The following NELL2 variants were observed in gnomAD, a reference collection of about 807,000 sequenced individuals.
NELL2 encodes neural EGFL like 2, also known as protein kinase C-binding protein NELL2.
NELL2 carries 41 observed loss-of-function variants against 109.6 expected under a neutral mutation model. The observed-to-expected ratio is 0.37, with a 90% CI of 0.29 to 0.49. The LOEUF is 0.49. Ranked by LOEUF, NELL2 falls within the 20% of genes least tolerant of loss-of-function variation. The pLI, the probability that NELL2 is intolerant of heterozygous loss-of-function variation, is 0.98. For missense variants in NELL2, 900 were observed against 1,008.3 expected, an observed-to-expected ratio of 0.89 and a Z score of 1.45; for synonymous variants, 355 against 344.7, an observed-to-expected ratio of 1.03 and a Z score of -0.33.
intron 15 of NELL2, among the ~76,000 whole-genome samples, chr12:44,585,445 T>C (rs1003982494): frequency 6.6e-6 from 1 of 151,984 alleles, no homozygotes; most frequent in Non-Finnish European, 1.5e-5. Context: ...TTACTAAAAA[T>C]ACAAAAATTA....
At chr12:44,539,695 A>C (rs766663687) in intron 15 of NELL2, among the ~76,000 whole-genome samples, 2 of 152,176 alleles carry the variant, frequency 1.3e-5, no homozygotes, top group Non-Finnish European at 2.9e-5. Context: ...TTTCCTTCAT[A>C]TCACAGTAGT....
chr12:44,808,268 A>G (rs1815687843), intron 3 of NELL2, among the ~76,000 whole-genome samples: 1 of 152,042 alleles, frequency 6.6e-6, no homozygotes, highest in South Asian at 2.1e-4. Context: ...CTGTGTGTTA[A>G]AATGTGTATT....
intron 13 of NELL2, among the ~76,000 whole-genome samples, chr12:44,641,139 TAATGCTATCATTTTACATTA>T (rs1389606548): frequency 1.8e-4 from 28 of 152,168 alleles, no homozygotes; most frequent in Non-Finnish European, 3.5e-4. Flanking sequence ...AATAGTGGCT[TAATGCTATCATTTTACATTA>T]AAAATAAATT....
intron 1 of NELL2, among the ~76,000 whole-genome samples, chr12:44,882,354 C>T (rs1211374547): frequency 6.6e-6 from 1 of 151,008 alleles, no homozygotes; most frequent in Non-Finnish European, 1.5e-5. Flanking sequence ...TATATATACA[C>T]ATATGTATAT....
chr12:44,545,098 G>A (rs1184854088), intron 15 of NELL2, among the ~76,000 whole-genome samples: 1 of 152,058 alleles, frequency 6.6e-6, no homozygotes, highest in East Asian at 1.9e-4. Flanking sequence ...ATGGCCTTTT[G>A]ATATATATTT....
chr12:44,863,096 C>T (rs1440310126), intron 2 of NELL2, among the ~76,000 whole-genome samples: 6 of 151,906 alleles, frequency 3.9e-5, no homozygotes, highest in Non-Finnish European at 8.8e-5. Context: ...GTTCCCCTAG[C>T]CCCCCACCCC....
intron 13 of NELL2, among the ~76,000 whole-genome samples, chr12:44,615,240 C>T (rs1444967136): frequency 6.6e-6 from 1 of 151,972 alleles, no homozygotes; most frequent in Non-Finnish European, 1.5e-5. Context: ...ATTTTTTTTA[C>T]ATGTGTTGGT....
intron 13 of NELL2, among the ~76,000 whole-genome samples, chr12:44,629,362 T>C (rs944961758): frequency 1.3e-5 from 2 of 152,232 alleles, no homozygotes; most frequent in African/African-American, 4.8e-5. Context: ...AATAGAATTA[T>C]CTAAAATCAG....
chr12:44,595,454 TCTCG>T (rs1340566056), intron 15 of NELL2, among the ~76,000 whole-genome samples: 4 of 152,152 alleles, frequency 2.6e-5, no homozygotes, highest in African/African-American at 9.7e-5. Context: ...TGAGATGGAG[TCTCG>T]CTCTGTCGCC....
In NELL2 at chr12:44,650,835, G is replaced by C. The variant is rs190370475; in HGVS notation, c.1444+14649C>G. ...GGACACAGTGAAAAGGCAACTGTTTGCAAGTCAGGAAGGGAGCCCTCACGA... is the reference window on the plus strand; with the variant it reads ...GGACACAGTGAAAAGGCAACTGTTTCCAAGTCAGGAAGGGAGCCCTCACGA... On this transcript the variant is annotated intron_variant, in intron 13 of 19. Transcript: ENST00000429094. 7.2e-4 allele frequency among the ~76,000 whole-genome samples: 109 copies of C among 152,264 alleles called. 1 individual carries two copies. Among genetic ancestry groups the C allele is most frequent in the African/African-American group, 2.4e-3 (100 of 41,540 alleles).
intron 2 of NELL2, among the ~76,000 whole-genome samples, chr12:44,828,387 A>G (rs2066567903): frequency 3.3e-5 from 5 of 152,098 alleles, no homozygotes; most frequent in Admixed American, 2.6e-4. Context: ...TTCCCCTTCT[A>G]CCTTCTTACT....
intron 13 of NELL2, among the ~76,000 whole-genome samples, chr12:44,660,567 C>G (rs764793656): frequency 5.9e-5 from 9 of 152,270 alleles, no homozygotes; most frequent in Non-Finnish European, 1.3e-4. Context: ...TTTCAAGTAT[C>G]CTTTGTCAGG....
At chr12:44,739,679 T>C (rs945690643) in intron 9 of NELL2, among the ~76,000 whole-genome samples, 1 of 152,128 alleles carries the variant, frequency 6.6e-6, no homozygotes, top group Non-Finnish European at 1.5e-5. Context: ...TCACTTGAGG[T>C]CAGCAGTTCG....
At chr12:44,750,178 T>C (rs923198075) in intron 9 of NELL2, among the ~76,000 whole-genome samples, 2 of 152,116 alleles carry the variant, frequency 1.3e-5, no homozygotes, top group African/African-American at 4.8e-5. Flanking sequence ...CCTTTTACAT[T>C]CTTCAAAAAT....
In NELL2 at chr12:44,856,887, C is replaced by T. The variant is rs80342904; in HGVS notation, c.184+18338G>A. ...CTCTGGCAACTATGTGAAGGACAGA[C>T]TGCAGAGAAGCAAGAGTGTAAGCAG... On this transcript the variant is annotated intron_variant, in intron 2 of 19. Transcript: ENST00000429094. Among the ~76,000 whole-genome samples the T allele has an allele frequency of 2.0e-5, 3 of 152,282 alleles. No individual in the cohort carries two copies. The East Asian group carries it at 5.8e-4, about 29-fold the overall frequency.
At chr12:44,576,479 T>C (rs747286890) in intron 15 of NELL2, among the ~76,000 whole-genome samples, 1 of 152,118 alleles carries the variant, frequency 6.6e-6, no homozygotes, top group African/African-American at 2.4e-5. Flanking sequence ...ACATCATCAT[T>C]ATTACCATCT....
chr12:44,799,604 T>C (rs1053580857), intron 3 of NELL2, among the ~76,000 whole-genome samples: 8 of 152,114 alleles, frequency 5.3e-5, no homozygotes, highest in Non-Finnish European at 4.4e-5. Context: ...TCCGAAATGG[T>C]CATAATTTTT....
chr12:44,833,569 G>C lies in NELL2; in HGVS notation c.185-17433C>G, dbSNP rs112512254. On this transcript the variant is annotated intron_variant, in intron 2 of 19. Coordinates refer to ENST00000429094, the MANE Select transcript of NELL2 (RefSeq NM_001145108.2). Reference sequence around the variant, plus strand: ...CTACCAGCAATTATAGCCCAAGACAGAGAGAAGGGTTCAATAAAAATTTGT... The same window carrying C: ...CTACCAGCAATTATAGCCCAAGACACAGAGAAGGGTTCAATAAAAATTTGT... Among the ~76,000 whole-genome samples the C allele has an allele frequency of 7.7e-3, 1,168 of 152,278 alleles. 14 individuals carry two copies. Among genetic ancestry groups the C allele is most frequent in the African/African-American group, 0.026 (1,089 of 41,540 alleles).
At chr12:44,620,047 T>G (rs770520927) in intron 13 of NELL2, among the ~76,000 whole-genome samples, 1 of 151,762 alleles carries the variant, frequency 6.6e-6, no homozygotes, top group Non-Finnish European at 1.5e-5. Flanking sequence ...ACTGGGAAGG[T>G]GGTGATGAGA....
Sources: allele counts gnomAD v4.1 joint callset (sites outside exome capture counted in the v4.1 genomes callset), GRCh38; gene constraint gnomAD v4.1.1; transcripts MANE v1.5; gene names NCBI Gene and HGNC (gene_info 2026-07-23, HGNC 2026-07-21).